GALNT13: variants seen among roughly 807,000 people sequenced by gnomAD.
GALNT13 encodes polypeptide N-acetylgalactosaminyltransferase 13.
In GALNT13, 28 loss-of-function variants were observed where a neutral mutation model predicts 64.2. The observed-to-expected ratio is 0.44, with a 90% CI of 0.32 to 0.60. GALNT13 has a LOEUF of 0.60. Among genes scored for constraint, GALNT13 ranks in the 20% least tolerant of loss-of-function variants. GALNT13 has a pLI of 0.05. For missense variants in GALNT13, 577 were observed against 669.8 expected (o/e 0.86, Z 1.53); for synonymous variants, 214 against 224.6 (o/e 0.95, Z 0.42).
At chr2:153,179,618 A>G in the GALNT13 span, among the ~76,000 whole-genome samples, 4 of 152,252 alleles carry the variant, frequency 2.6e-5, no homozygotes, top group East Asian at 5.8e-4. Flanking sequence ...TGGAAATTGC[A>G]TTGAATTTGT....
At chr2:154,371,667 A>T (rs1697693620) in intron 9 of GALNT13, among the ~76,000 whole-genome samples, 1 of 151,702 alleles carries the variant, frequency 6.6e-6, no homozygotes, top group African/African-American at 2.4e-5. Context: ...AAGGGTAGGC[A>T]TTTTCGTTTT....
At chr2:153,945,676 G>T (rs1452964313) in intron 3 of GALNT13, among the ~76,000 whole-genome samples, 1 of 152,012 alleles carries the variant, frequency 6.6e-6, no homozygotes, top group Non-Finnish European at 1.5e-5. Flanking sequence ...ACACTATCAG[G>T]TTACATGAAA....
At chr2:153,628,200 C>T in the GALNT13 span, among the ~76,000 whole-genome samples, 1 of 151,624 alleles carries the variant, frequency 6.6e-6, no homozygotes, top group African/African-American at 2.4e-5. Context: ...GATTTTGTAT[C>T]CTGAGACTTT....
the GALNT13 span, among the ~76,000 whole-genome samples, chr2:153,828,847 A>T: frequency 6.6e-6 from 1 of 152,174 alleles, no homozygotes; most frequent in Non-Finnish European, 1.5e-5. Context: ...AATGCCTTTA[A>T]CAGCACCCAA....
chr2:153,344,058 T>G, the GALNT13 span, among the ~76,000 whole-genome samples: 30 of 152,154 alleles, frequency 2.0e-4, no homozygotes, highest in East Asian at 3.7e-3. Flanking sequence ...TATAATTTCT[T>G]TTTTTTTCCC....
intron 2 of GALNT13, among the ~76,000 whole-genome samples, chr2:153,904,853 G>T (rs1408511828): frequency 6.6e-6 from 1 of 151,668 alleles, no homozygotes; most frequent in East Asian, 1.9e-4. Context: ...AGTGATGTGA[G>T]GTAGAAGTCA....
chr2:154,224,526 T>C (rs1688487043), intron 4 of GALNT13, among the ~76,000 whole-genome samples: 1 of 151,940 alleles, frequency 6.6e-6, no homozygotes, highest in African/African-American at 2.4e-5. Context: ...TTGCTGGATA[T>C]TAAAAGATAG....
At chr2:154,298,160 A>G (rs748100016) in intron 8 of GALNT13, among the ~76,000 whole-genome samples, 14 of 151,900 alleles carry the variant, frequency 9.2e-5, no homozygotes, top group Non-Finnish European at 1.6e-4. Flanking sequence ...AATTTAAAGT[A>G]AAAATGGATA....
the GALNT13 span, among the ~76,000 whole-genome samples, chr2:153,440,130 G>T: frequency 3.9e-5 from 6 of 151,944 alleles, no homozygotes; most frequent in Middle Eastern, 3.4e-3. Flanking sequence ...GCCACAGTGG[G>T]TAATGTTCCC....
intron 3 of GALNT13, among the ~76,000 whole-genome samples, chr2:154,054,702 G>T (rs1699812588): frequency 6.6e-6 from 1 of 151,680 alleles, no homozygotes; most frequent in Non-Finnish European, 1.5e-5. Context: ...TCATAATTTT[G>T]GTTCATAACA....
the GALNT13 span, among the ~76,000 whole-genome samples, chr2:153,645,570 T>C: frequency 6.6e-6 from 1 of 152,146 alleles, no homozygotes; most frequent in African/African-American, 2.4e-5. Context: ...TATCATTACA[T>C]GTGTATACAG....
At chr2:154,316,300 C>A (rs1049156663) in intron 9 of GALNT13, among the ~76,000 whole-genome samples, 1 of 151,870 alleles carries the variant, frequency 6.6e-6, no homozygotes, top group South Asian at 2.1e-4. Context: ...TAACATCTGT[C>A]GTTAACAAAA....
chr2:153,446,729 A>C, the GALNT13 span: 1 of 152,004 alleles, frequency 6.6e-6, no homozygotes, highest in African/African-American at 2.4e-5. Flanking sequence ...TATTTTTCAA[A>C]CTCTGGATTC....
the GALNT13 span, among the ~76,000 whole-genome samples, chr2:153,378,911 G>T: frequency 6.6e-6 from 1 of 152,058 alleles, no homozygotes; most frequent in Non-Finnish European, 1.5e-5. Flanking sequence ...CTAATTAATT[G>T]GGTTTCTATT....
At chr2:154,305,734 G>T (rs146083290) in intron 9 of GALNT13, among the ~76,000 whole-genome samples, 1 of 152,262 alleles carries the variant, frequency 6.6e-6, no homozygotes, top group East Asian at 1.9e-4. Flanking sequence ...GAATGTTTCA[G>T]CTCTATCTGT....
chr2:153,091,046 G>C, the GALNT13 span, among the ~76,000 whole-genome samples: 1 of 152,166 alleles, frequency 6.6e-6, no homozygotes, highest in South Asian at 2.1e-4. Flanking sequence ...GACCCTCCCT[G>C]TCTGCTGACT....
intron 4 of GALNT13, among the ~76,000 whole-genome samples, chr2:154,238,012 C>T (rs1202566925): frequency 1.3e-5 from 2 of 151,882 alleles, no homozygotes; most frequent in East Asian, 1.9e-4. Flanking sequence ...CTTATCATGT[C>T]AGCCAAGGAC....
At chr2:154,373,758 C>A (rs1480383970) in intron 9 of GALNT13, among the ~76,000 whole-genome samples, 4 of 152,146 alleles carry the variant, frequency 2.6e-5, no homozygotes, top group Non-Finnish European at 4.4e-5. Context: ...CCATATTGGG[C>A]ACAAGTCTTC....
the GALNT13 span, among the ~76,000 whole-genome samples, chr2:153,358,001 C>T: frequency 6.6e-6 from 1 of 152,086 alleles, no homozygotes. Context: ...TATGATCAAA[C>T]AGAGATGTTA....
Sources: allele counts gnomAD v4.1 joint callset (sites outside exome capture counted in the v4.1 genomes callset), GRCh38; gene constraint gnomAD v4.1.1; transcripts MANE v1.5; gene names NCBI Gene and HGNC (gene_info 2026-07-23, HGNC 2026-07-21).